The following CFAP54 variants were observed in gnomAD, a reference collection of about 807,000 sequenced individuals.
CFAP54 encodes the protein cilia- and flagella-associated protein 54.
In CFAP54, 290 loss-of-function variants were observed where a neutral mutation model predicts 370.4. The observed-to-expected ratio is 0.78, with a 90% CI of 0.71 to 0.86. CFAP54 has a LOEUF of 0.86. CFAP54 is among the 40% of genes least tolerant of loss of function. The pLI is 0.00. For synonymous variants in CFAP54, 1,206 were observed against 1,236.5 expected (o/e 0.98, Z 0.52); for missense variants, 3,399 against 3,528.7 (o/e 0.96, Z 0.93).
intron 26 of CFAP54, among the ~76,000 whole-genome samples, chr12:96,610,468 G>A (rs1956345633): frequency 6.6e-6 from 1 of 152,200 alleles, no homozygotes; most frequent in Admixed American, 6.5e-5. Context: ...ACAGCTCCCA[G>A]TGTGAGCAAT....
intron 42 of CFAP54, 51 bp downstream of exon 42, chr12:96,685,289 G>T: frequency 6.4e-7 from 1 of 1,559,174 alleles, no homozygotes; most frequent in South Asian, 1.1e-5. Flanking sequence ...CTTCCTTGTG[G>T]GGTGCCCTCC....
At chr12:96,873,662 G>A (rs1960219345) in intron 67 of CFAP54, among the ~76,000 whole-genome samples, 1 of 152,076 alleles carries the variant, frequency 6.6e-6, no homozygotes, top group African/African-American at 2.4e-5. Context: ...TGTCTCTATT[G>A]CAAATAGTCA....
chr12:96,619,285 C>T (rs1956459163), intron 26 of CFAP54, among the ~76,000 whole-genome samples: 1 of 152,170 alleles, frequency 6.6e-6, no homozygotes, highest in Non-Finnish European at 1.5e-5. Flanking sequence ...TCCTGTCTAG[C>T]CTACAGTTCC....
At chr12:96,771,884 G>T (rs181869782) in intron 60 of CFAP54, among the ~76,000 whole-genome samples, 2 of 152,304 alleles carry the variant, frequency 1.3e-5, no homozygotes, top group African/African-American at 4.8e-5. Flanking sequence ...TTCTTCTGAA[G>T]ATGGTTATAG....
intron 39 of CFAP54, among the ~76,000 whole-genome samples, chr12:96,670,667 A>G (rs1290171902): frequency 2.6e-5 from 4 of 152,228 alleles, no homozygotes; most frequent in African/African-American, 9.6e-5. Context: ...GAGCTGGGAA[A>G]TGTAACAGGA....
intron 17 of CFAP54, among the ~76,000 whole-genome samples, chr12:96,561,695 G>T (rs1330117215): frequency 7.5e-6 from 1 of 133,860 alleles, no homozygotes; most frequent in Non-Finnish European, 1.6e-5. Flanking sequence ...AGTAGATAGA[G>T]CTAAGAAATA....
At chr12:96,513,569 C>T (rs1249835857) in intron 5 of CFAP54, among the ~76,000 whole-genome samples, 1 of 152,026 alleles carries the variant, frequency 6.6e-6, no homozygotes, top group Non-Finnish European at 1.5e-5. Flanking sequence ...GGCAAAACCC[C>T]GTCTTTACAA....
intron 35 of CFAP54, 147 bp downstream of exon 35, chr12:96,650,219 T>C: frequency 1.4e-6 from 1 of 716,318 alleles, no homozygotes; most frequent in East Asian, 2.8e-5. Context: ...GTATCCTAAG[T>C]CACTTTTGAG....
At chr12:96,788,609 A>G (rs930350958) in intron 62 of CFAP54, among the ~76,000 whole-genome samples, 1 of 152,174 alleles carries the variant, frequency 6.6e-6, no homozygotes, top group African/African-American at 2.4e-5. Flanking sequence ...ACCCTTGCTT[A>G]TCTTATCCTA....
At chr12:96,813,884 G>A (rs1446351188) in intron 64 of CFAP54, among the ~76,000 whole-genome samples, 4 of 152,192 alleles carry the variant, frequency 2.6e-5, no homozygotes, top group African/African-American at 9.7e-5. Flanking sequence ...CAGAAATGAA[G>A]AAGTACGTGG....
At chr12:96,601,529 G>T (rs1956242201) in intron 26 of CFAP54, among the ~76,000 whole-genome samples, 1 of 152,204 alleles carries the variant, frequency 6.6e-6, no homozygotes, top group Admixed American at 6.5e-5. Context: ...CAGAAAGAAT[G>T]GTGCCAGCTC....
intron 43 of CFAP54, among the ~76,000 whole-genome samples, chr12:96,690,577 C>T (rs937376398): frequency 3.9e-5 from 6 of 152,074 alleles, no homozygotes; most frequent in Admixed American, 6.6e-5. Flanking sequence ...CTGATTGAGA[C>T]TTCTGAAACA....
intron 55 of CFAP54, among the ~76,000 whole-genome samples, chr12:96,751,920 C>T (rs1180130241): frequency 1.3e-5 from 2 of 152,120 alleles, no homozygotes; most frequent in Non-Finnish European, 2.9e-5. Flanking sequence ...GCTGTTCTTC[C>T]TGTTCCATGC....
chr12:96,726,327 G>T (rs369425613), intron 50 of CFAP54, among the ~76,000 whole-genome samples: 2 of 152,146 alleles, frequency 1.3e-5, no homozygotes, highest in African/African-American at 4.8e-5. Context: ...TGGTTGGTAA[G>T]CTATTGATTA....
intron 20 of CFAP54, among the ~76,000 whole-genome samples, chr12:96,580,124 A>C (rs1956017385): frequency 6.6e-6 from 1 of 151,702 alleles, no homozygotes; most frequent in Non-Finnish European, 1.5e-5. Flanking sequence ...TTTTTTTGTC[A>C]TACATTATCA....
chr12:96,491,844 C>G (rs1414411962), intron 1 of CFAP54, among the ~76,000 whole-genome samples: 10 of 152,206 alleles, frequency 6.6e-5, no homozygotes. Flanking sequence ...ACTGCAACCT[C>G]TGCCTCCCAG....
chr12:96,679,220 T>G (rs567535507), intron 39 of CFAP54, among the ~76,000 whole-genome samples: 45 of 152,256 alleles, frequency 3.0e-4, no homozygotes, highest in African/African-American at 9.1e-4. Context: ...ATTTCTTCCT[T>G]TGTTTCTTCT....
intron 63 of CFAP54, among the ~76,000 whole-genome samples, chr12:96,800,525 T>C (rs1367133115): frequency 6.6e-6 from 1 of 152,200 alleles, no homozygotes; most frequent in African/African-American, 2.4e-5. Flanking sequence ...GTTGCTGCCA[T>C]AATGTTCAGT....
rs145536273 is a variant in CFAP54, at chr12:96,756,551, A to T, written c.7934A>T (p.Asp2645Val). The T allele has an allele frequency of 2.8e-5, 45 of 1,594,130 alleles. No homozygotes were observed. The highest frequency in any genetic ancestry group is 3.5e-5 in the Admixed American group (2 of 57,876). The change falls in exon 57 of 68, where the codon GAT (aspartate) becomes GTT (valine). Residue 2645 changes from aspartate (D) to valine (V), a missense_variant. Around this residue, in one of 3 missense-constraint regions of CFAP54, gnomAD observed 2,796 missense variants for 2,869.7 expected, o/e 0.97. Coordinates refer to ENST00000524981, the MANE Select transcript of CFAP54 (RefSeq NM_001306084.2). ...GCTATACAACTAAGCCTGAAAAATG[A>T]TCAAAACTCAGGGTAAAAAGATATT... ...YEAIQLSLKN[D>V]QNSGLIRDSY... is the part of the protein sequence containing the mutation.
Sources: allele counts gnomAD v4.1 joint callset (sites outside exome capture counted in the v4.1 genomes callset), GRCh38; gene constraint gnomAD v4.1.1; regional missense constraint gnomAD v4.1.1; transcripts MANE v1.5; gene names NCBI Gene and HGNC (gene_info 2026-07-23, HGNC 2026-07-21).